Variants in ECE1 observed in about 807,000 individuals in gnomAD.
ECE1 encodes endothelin converting enzyme 1.
ECE1 carries 35 observed loss-of-function variants against 98.6 expected under a neutral mutation model. That is an observed-to-expected ratio of 0.35 (90% confidence interval 0.27 to 0.47). The LOEUF (loss-of-function observed/expected upper bound fraction) is 0.47. Among genes scored for constraint, ECE1 ranks in the 20% least tolerant of loss-of-function variants. The probability of loss-of-function intolerance (pLI) is 1.00; values close to 1 mark genes in which losing one functional copy is unlikely to be tolerated. For synonymous variants in ECE1, 394 were observed against 407.1 expected (o/e 0.97, Z 0.39); for missense variants, 814 against 1,025.3 (o/e 0.79, Z 2.81).
At chr1:21,240,709 G>A (rs920552395) in intron 10 of ECE1, among the ~76,000 whole-genome samples, 5 of 152,060 alleles carry the variant, frequency 3.3e-5, no homozygotes, top group African/African-American at 1.2e-4. Context: ...ACCCTCCCTC[G>A]GCTGAGAAGC....
intron 3 of ECE1, among the ~76,000 whole-genome samples, chr1:21,277,174 G>T (rs1338610788): frequency 6.6e-6 from 1 of 152,208 alleles, no homozygotes; most frequent in Non-Finnish European, 1.5e-5. Context: ...TCCAGGGGAA[G>T]AATGTTCCTC....
chr1:21,291,966 G>GAA (rs936707095), upstream of ECE1, among the ~76,000 whole-genome samples: 13 of 136,090 alleles, frequency 9.6e-5, no homozygotes, highest in African/African-American at 3.7e-4. Context: ...TCTACAAAAA[G>GAA]AAAATATATA....
intron 1 of ECE1, among the ~76,000 whole-genome samples, chr1:21,306,588 G>A (rs550804419): frequency 1.3e-5 from 2 of 152,102 alleles, no homozygotes; most frequent in East Asian, 1.9e-4. Context: ...TGCCCACCTC[G>A]GCCTCCCAAA....
chr1:21,266,288 G>A (rs776773442), intron 4 of ECE1, among the ~76,000 whole-genome samples: 1 of 152,118 alleles, frequency 6.6e-6, no homozygotes, highest in Non-Finnish European at 1.5e-5. Context: ...CCTTGATGCA[G>A]TGGGACCATC....
intron 1 of ECE1, among the ~76,000 whole-genome samples, chr1:21,312,217 C>T (rs1295093044): frequency 2.0e-5 from 3 of 150,788 alleles, no homozygotes; most frequent in Non-Finnish European, 3.0e-5. Context: ...GCGGGAGGAT[C>T]GCTTGAGCTC....
At chr1:21,320,952 CAGAACCTCCTGG>C (rs944895652) in intron 1 of ECE1, among the ~76,000 whole-genome samples, 2 of 152,218 alleles carry the variant, frequency 1.3e-5, no homozygotes, top group Middle Eastern at 3.2e-3. Context: ...CCTGCTGCTG[CAGAACCTCCTGG>C]TTTGGAAAAG....
At chr1:21,245,308 A>C (rs2098201900) in intron 9 of ECE1, among the ~76,000 whole-genome samples, 1 of 152,220 alleles carries the variant, frequency 6.6e-6, no homozygotes, top group Non-Finnish European at 1.5e-5. Context: ...CTACCATAGG[A>C]AACGCTTCAG....
intron 14 of ECE1, among the ~76,000 whole-genome samples, chr1:21,230,932 G>C (rs6666542): frequency 1.2e-3 from 188 of 152,050 alleles, no homozygotes; most frequent in African/African-American, 4.1e-3. Flanking sequence ...GGGTTCAAGC[G>C]ATTCTCCTGC....
chr1:21,308,823 CTCCCCT>C (rs1638654094), intron 1 of ECE1, among the ~76,000 whole-genome samples: 1 of 152,180 alleles, frequency 6.6e-6, no homozygotes, highest in Admixed American at 6.5e-5. Flanking sequence ...TCAGAGCCCC[CTCCCCT>C]TCCTGCCTGC....
chr1:21,234,884 A>G (rs974288835), intron 13 of ECE1, among the ~76,000 whole-genome samples: 10 of 152,248 alleles, frequency 6.6e-5, no homozygotes, highest in African/African-American at 2.4e-4. Flanking sequence ...CAGAGGCCCA[A>G]GGATCTTGCG....
At chr1:21,222,306 C>T (rs147678542) in intron 17 of ECE1, among the ~76,000 whole-genome samples, 66 of 152,184 alleles carry the variant, frequency 4.3e-4, no homozygotes, top group Non-Finnish European at 7.1e-4. Flanking sequence ...ACCACTGCTC[C>T]GCTCCCCCTT....
intron 1 of ECE1, chr1:21,298,033 G>A (rs753955569): frequency 2.6e-5 from 4 of 152,266 alleles, no homozygotes; most frequent in Non-Finnish European, 5.9e-5. Context: ...GTAGAGACAA[G>A]GTCTCATTGT....
At chr1:21,243,211 G>A (rs1377741139) in intron 10 of ECE1, among the ~76,000 whole-genome samples, 2 of 152,118 alleles carry the variant, frequency 1.3e-5, no homozygotes, top group African/African-American at 4.8e-5. Flanking sequence ...TAAAATGGAA[G>A]AGGATAACAG....
chr1:21,314,267 T>C (rs1036274467), intron 1 of ECE1, among the ~76,000 whole-genome samples: 2 of 152,216 alleles, frequency 1.3e-5, no homozygotes, highest in South Asian at 4.1e-4. Context: ...GCGTGGGAGT[T>C]CTGGGAAGGG....
intron 4 of ECE1, among the ~76,000 whole-genome samples, chr1:21,269,076 G>A (rs2098237319): frequency 6.6e-6 from 1 of 152,194 alleles, no homozygotes; most frequent in South Asian, 2.1e-4. Flanking sequence ...GCAGCCGCTG[G>A]GGAAAGGAGG....
rs1239435502 is a variant in ECE1, at chr1:21,339,151, G to A, written c.3+6225C>T. 2.0e-5 allele frequency among the ~76,000 whole-genome samples: 3 copies of A among 152,292 alleles called. No individual in the cohort carries two copies. The East Asian group carries it at 5.8e-4, about 29-fold the overall frequency. The stretch of plus-strand genomic sequence containing the variant: ...GATCTCAGGGCGGGGGACTGGGCTG[G>A]GAGTCACAAGGCCTGAGTTCAAGTT... On this transcript the variant is annotated intron_variant, in intron 1 of 18. Coordinates refer to the ECE1 transcript ENST00000415912.
intron 12 of ECE1, 52 bp downstream of exon 12, chr1:21,236,694 C>CT: frequency 6.4e-7 from 1 of 1,552,448 alleles, no homozygotes; most frequent in Non-Finnish European, 8.9e-7. Context: ...CCACCCTCCT[C>CT]TATCTGTGCT....
At chr1:21,341,191 T>C (rs1357098471) in intron 1 of ECE1, among the ~76,000 whole-genome samples, 1 of 152,224 alleles carries the variant, frequency 6.6e-6, no homozygotes, top group African/African-American at 2.4e-5. Context: ...ATTGCGCTTG[T>C]AATTTCCTGC....
intron 1 of ECE1, among the ~76,000 whole-genome samples, chr1:21,295,552 C>G (rs1638333223): frequency 6.6e-6 from 1 of 152,178 alleles, no homozygotes; most frequent in South Asian, 2.1e-4. Context: ...AAAGTGTAAA[C>G]TGCTTCTTTA....
Sources: gnomAD v4.1 joint callset for allele counts (sites outside exome capture counted in the v4.1 genomes callset) on GRCh38, gnomAD v4.1.1 for gene constraint, MANE v1.5 for transcripts, NCBI Gene and HGNC (gene_info 2026-07-23, HGNC 2026-07-21) for gene names.